Variants in GHR observed in about 807,000 individuals in gnomAD.
The protein encoded by GHR is GH receptor.
In GHR, 35 loss-of-function variants were observed where a neutral mutation model predicts 67.1. That is an observed-to-expected ratio of 0.52 (90% CI 0.40 to 0.69). The LOEUF is 0.69. Among genes scored for constraint, GHR ranks in the 30% least tolerant of loss-of-function variants. The pLI is 0.00. For missense variants in GHR, 792 were observed against 764.6 expected, an observed-to-expected ratio of 1.04 and a Z score of -0.42; for synonymous variants, 272 against 269.1, an observed-to-expected ratio of 1.01 and a Z score of -0.10.
chr5:42,634,582 C>T (rs983997985), intron 3 of GHR, among the ~76,000 whole-genome samples: 4 of 152,036 alleles, frequency 2.6e-5, no homozygotes, highest in African/African-American at 9.7e-5. Flanking sequence ...TCCCCAGTAT[C>T]TTAAGTACTC....
chr5:42,534,560 G>A (rs564958683), intron 1 of GHR, among the ~76,000 whole-genome samples: 29 of 151,270 alleles, frequency 1.9e-4, no homozygotes, highest in South Asian at 8.3e-4. Context: ...TTATCCACTC[G>A]TTGATTGATG....
At chr5:42,565,809 G>T (rs1259142217) in intron 1 of GHR, 55 bp from the exon 2 acceptor site, 1 of 1,613,422 alleles carries the variant, frequency 6.2e-7, no homozygotes. Context: ...AGTATTTCAT[G>T]ATAATGGTCT....
At chr5:42,463,246 C>G (rs1171331409) in intron 1 of GHR, among the ~76,000 whole-genome samples, 1 of 152,112 alleles carries the variant, frequency 6.6e-6, no homozygotes, top group Non-Finnish European at 1.5e-5. Context: ...TCATGTCCTG[C>G]TATAAATGTA....
At chr5:42,484,635 C>G (rs1561069029) in intron 1 of GHR, among the ~76,000 whole-genome samples, 1 of 152,230 alleles carries the variant, frequency 6.6e-6, no homozygotes, top group South Asian at 2.1e-4. Flanking sequence ...CAGCTGCTTT[C>G]TGCTCACTCA....
chr5:42,615,741 CAAA>C (rs57137627), intron 2 of GHR, among the ~76,000 whole-genome samples: 30,482 of 130,842 alleles, frequency 0.23, 3,662 homozygotes, highest in African/African-American at 0.34. Context: ...AAACAAAAAA[CAAA>C]AAAAAAAAAA....
At chr5:42,605,190 G>C (rs146457813) in intron 2 of GHR, among the ~76,000 whole-genome samples, 2 of 145,388 alleles carry the variant, frequency 1.4e-5, no homozygotes, top group African/African-American at 5.2e-5. Flanking sequence ...TCCACGTCCC[G>C]GGTTCAAGTG....
chr5:42,713,811 C>G (rs1029996007), intron 8 of GHR: 1 of 334,122 alleles, frequency 3.0e-6, no homozygotes, highest in African/African-American at 2.1e-5. Context: ...TATCCAAGAG[C>G]TAGCTCTTTC....
intron 1 of GHR, among the ~76,000 whole-genome samples, chr5:42,511,393 C>T (rs1205878758): frequency 6.6e-6 from 1 of 152,200 alleles, no homozygotes; most frequent in African/African-American, 2.4e-5. Flanking sequence ...GGCTGAACCA[C>T]ATCCATAAGT....
At chr5:42,592,339 G>A (rs1375650726) in intron 2 of GHR, among the ~76,000 whole-genome samples, 1 of 152,126 alleles carries the variant, frequency 6.6e-6, no homozygotes, top group African/African-American at 2.4e-5. Context: ...ATGGGAGTTT[G>A]GGGCATACAT....
At chr5:42,687,658 T>G (rs1287016771) in intron 3 of GHR, among the ~76,000 whole-genome samples, 2 of 152,234 alleles carry the variant, frequency 1.3e-5, no homozygotes, top group Non-Finnish European at 2.9e-5. Context: ...GTTCATAACA[T>G]CAGGTATGTA....
intron 1 of GHR, among the ~76,000 whole-genome samples, chr5:42,499,967 G>A (rs2112226974): frequency 6.6e-6 from 1 of 152,238 alleles, no homozygotes; most frequent in East Asian, 1.9e-4. Context: ...AGGAATGCTG[G>A]TTCTAATCTC....
intron 3 of GHR, among the ~76,000 whole-genome samples, chr5:42,668,884 T>A (rs1756131400): frequency 6.6e-6 from 1 of 152,196 alleles, no homozygotes; most frequent in Non-Finnish European, 1.5e-5. Context: ...AATACCCTGA[T>A]AAACACATCA....
intron 1 of GHR, among the ~76,000 whole-genome samples, chr5:42,492,135 T>C (rs965977106): frequency 2.6e-5 from 4 of 152,170 alleles, no homozygotes; most frequent in Middle Eastern, 3.2e-3. Flanking sequence ...TGGTATTACT[T>C]TTATGTCTGC....
chr5:42,694,856 T>G (rs1757592715), intron 4 of GHR, 61 bp from the exon 5 acceptor site: 5 of 1,268,610 alleles, frequency 3.9e-6, no homozygotes, highest in African/African-American at 1.5e-5. Context: ...GCACCTTACT[T>G]GGACTTAAGC....
At chr5:42,642,107 T>A (rs1754505157) in intron 3 of GHR, among the ~76,000 whole-genome samples, 1 of 152,142 alleles carries the variant, frequency 6.6e-6, no homozygotes, top group East Asian at 1.9e-4. Context: ...TTCAGGCCGA[T>A]GATGGAAAGA....
intron 2 of GHR, among the ~76,000 whole-genome samples, chr5:42,590,449 T>G (rs1256276673): frequency 2.6e-5 from 4 of 152,182 alleles, no homozygotes; most frequent in Non-Finnish European, 5.9e-5. Flanking sequence ...CCATTGCTTA[T>G]TGGCATTTAT....
At chr5:42,491,339 G>A (rs1746104993) in intron 1 of GHR, among the ~76,000 whole-genome samples, 1 of 152,186 alleles carries the variant, frequency 6.6e-6, no homozygotes, top group Non-Finnish European at 1.5e-5. Flanking sequence ...AAACAAAGTG[G>A]TGGGTGTAAA....
intron 1 of GHR, among the ~76,000 whole-genome samples, chr5:42,491,278 A>G (rs1384352032): frequency 1.3e-5 from 2 of 152,234 alleles, no homozygotes; most frequent in Admixed American, 6.5e-5. Flanking sequence ...TCATTTGAAT[A>G]TAAACTTTTC....
At chr5:42,696,173 T>C (rs1181457722) in intron 5 of GHR, among the ~76,000 whole-genome samples, 1 of 152,226 alleles carries the variant, frequency 6.6e-6, no homozygotes, top group Admixed American at 6.5e-5. Flanking sequence ...CAATAGCCAG[T>C]CCTACTCATT....
Sources: gnomAD v4.1 joint callset for allele counts (sites outside exome capture counted in the v4.1 genomes callset) on GRCh38, gnomAD v4.1.1 for gene constraint, MANE v1.5 for transcripts, NCBI Gene and HGNC (gene_info 2026-07-23, HGNC 2026-07-21) for gene names.